Variants in CDH2 observed in about 807,000 individuals in gnomAD.
CDH2 encodes the protein cadherin-2.
Under a neutral mutation model 92.0 loss-of-function variants are expected in CDH2, and 17 were observed. That is an observed-to-expected ratio of 0.18 (90% CI 0.13 to 0.28). The LOEUF (loss-of-function observed/expected upper bound fraction) is 0.28. Among genes scored for constraint, CDH2 ranks in the 10% least tolerant of loss-of-function variants. The probability of loss-of-function intolerance (pLI) is 1.00; values close to 1 mark genes in which losing one functional copy is unlikely to be tolerated. For synonymous variants in CDH2, 419 were observed against 415.9 expected, an observed-to-expected ratio of 1.01 and a Z score of -0.09; for missense variants, 862 against 1,133.1, an observed-to-expected ratio of 0.76 and a Z score of 3.44.
At chr18:27,962,905 CTT>C (rs2011445069) in intron 15 of CDH2, among the ~76,000 whole-genome samples, 1 of 152,128 alleles carries the variant, frequency 6.6e-6, no homozygotes. Context: ...CAACTAATCT[CTT>C]TTGATGGAGT....
chr18:27,936,917 T>C (rs1909033472), intron 6 of CDH2, among the ~76,000 whole-genome samples: 2 of 152,202 alleles, frequency 1.3e-5, no homozygotes, highest in African/African-American at 4.8e-5. Flanking sequence ...CATTTTGTTA[T>C]GAAAGTAAAA....
intron 14 of CDH2, among the ~76,000 whole-genome samples, chr18:27,977,391 T>C (rs1046663088): frequency 6.6e-6 from 1 of 152,134 alleles, no homozygotes; most frequent in African/African-American, 2.4e-5. Context: ...TTTACCCCCT[T>C]AGGCACCTCT....
intron 2 of CDH2, among the ~76,000 whole-genome samples, chr18:28,084,630 G>A (rs1190924092): frequency 6.6e-6 from 1 of 151,722 alleles, no homozygotes; most frequent in Non-Finnish European, 1.5e-5. Context: ...AAAAGTACCA[G>A]ACTGCTCTTA....
At chr18:28,028,264 A>G (rs1253532002) in intron 2 of CDH2, among the ~76,000 whole-genome samples, 2 of 152,100 alleles carry the variant, frequency 1.3e-5, no homozygotes, top group African/African-American at 4.8e-5. Flanking sequence ...GTGTCCCCTG[A>G]GTAACCAACT....
chr18:28,070,508 C>G (rs1260709837), intron 2 of CDH2, among the ~76,000 whole-genome samples: 1 of 152,158 alleles, frequency 6.6e-6, no homozygotes, highest in Non-Finnish European at 1.5e-5. Flanking sequence ...TCGACCAACA[C>G]AAAAAGGAGA....
intron 14 of CDH2, among the ~76,000 whole-genome samples, chr18:27,973,378 G>T (rs17445707): frequency 0.15 from 22,980 of 152,148 alleles, 2,147 homozygotes; most frequent in East Asian, 0.4. Flanking sequence ...ACATGTGCCA[G>T]TGCTGGATCC....
At position 28,153,386 on chromosome 18, in the gene CDH2, A is replaced by G. The variant is rs532342068; in HGVS notation, c.61-5602T>C. On this transcript the variant is annotated intron_variant, in intron 1 of 15. Transcript: ENST00000269141. ...TCCAAAATTTGGTCTCAATAAATTA[A>G]TAATTCCAGCTGGCTTTAGTCATTC... 3.0e-4 allele frequency among the ~76,000 whole-genome samples: 45 copies of G among 152,346 alleles called. No individual in the cohort carries two copies. In the South Asian group the frequency reaches 8.9e-3, roughly 30 times the overall value.
At chr18:28,165,128 T>C (rs541918639) in intron 1 of CDH2, among the ~76,000 whole-genome samples, 3 of 152,216 alleles carry the variant, frequency 2.0e-5, no homozygotes, top group Non-Finnish European at 4.4e-5. Flanking sequence ...GGTCCCAAAA[T>C]CTTCAAATAA....
intron 2 of CDH2, among the ~76,000 whole-genome samples, chr18:28,064,138 G>GC (rs1020914415): frequency 1.3e-4 from 19 of 151,594 alleles, no homozygotes; most frequent in Admixed American, 1.2e-3. Flanking sequence ...CTCAAAAGAG[G>GC]GGGGGGTAGG....
chr18:28,032,110 C>T (rs2013712224), intron 2 of CDH2, among the ~76,000 whole-genome samples: 1 of 152,072 alleles, frequency 6.6e-6, no homozygotes, highest in South Asian at 2.1e-4. Context: ...GGCCAAGATG[C>T]CCCAGATCAC....
intron 14 of CDH2, among the ~76,000 whole-genome samples, chr18:27,979,714 C>T (rs749203589): frequency 1.5e-4 from 23 of 152,094 alleles, no homozygotes; most frequent in Non-Finnish European, 1.9e-4. Context: ...CACAGAGTGC[C>T]GACTGTTTGA....
intron 2 of CDH2, among the ~76,000 whole-genome samples, chr18:28,048,559 C>T (rs1294776708): frequency 6.6e-6 from 1 of 152,134 alleles, no homozygotes; most frequent in Non-Finnish European, 1.5e-5. Context: ...AAAGTGGGCA[C>T]GGAGAGACTG....
At chr18:28,165,663 G>A (rs1257658564) in intron 1 of CDH2, among the ~76,000 whole-genome samples, 5 of 151,624 alleles carry the variant, frequency 3.3e-5, no homozygotes, top group Non-Finnish European at 5.9e-5. Flanking sequence ...AAAAACAAGT[G>A]TCAGAGCCAG....
At chr18:28,083,519 A>G (rs1451155134) in intron 2 of CDH2, among the ~76,000 whole-genome samples, 6 of 152,314 alleles carry the variant, frequency 3.9e-5, no homozygotes, top group African/African-American at 1.4e-4. Context: ...GATTAAGGAA[A>G]CTAACATCCC....
chr18:28,099,472 G>A (rs532277809), intron 2 of CDH2, among the ~76,000 whole-genome samples: 3 of 152,194 alleles, frequency 2.0e-5, no homozygotes, highest in South Asian at 4.2e-4. Flanking sequence ...TATGTTTGTA[G>A]TCACACTAAT....
chr18:28,014,505 A>G (rs1567964654), intron 2 of CDH2, among the ~76,000 whole-genome samples: 2 of 152,316 alleles, frequency 1.3e-5, no homozygotes, highest in South Asian at 4.1e-4. Flanking sequence ...ACTATGCTCT[A>G]GAATTGTAAG....
At chr18:28,045,496 A>G in intron 2 of CDH2, 2 of 458,720 alleles carry the variant, frequency 4.4e-6, no homozygotes, top group South Asian at 3.3e-5. Context: ...AATGAACTTC[A>G]TTTCCATTGT....
At chr18:28,017,719 T>C (rs2013292480) in intron 2 of CDH2, among the ~76,000 whole-genome samples, 1 of 152,096 alleles carries the variant, frequency 6.6e-6, no homozygotes, top group African/African-American at 2.4e-5. Context: ...TGGCATCCCT[T>C]TATGATTAAA....
At chr18:27,993,759 T>C in intron 7 of CDH2, 122 bp from the exon 8 acceptor site, 2 of 758,040 alleles carry the variant, frequency 2.6e-6, no homozygotes, top group South Asian at 1.8e-5. Context: ...CTGATTAACA[T>C]GACTTGAAAT....
Sources: gnomAD v4.1 joint callset for allele counts (sites outside exome capture counted in the v4.1 genomes callset) on GRCh38, gnomAD v4.1.1 for gene constraint, MANE v1.5 for transcripts, NCBI Gene and HGNC (gene_info 2026-07-23, HGNC 2026-07-21) for gene names.